KCNH1: variants seen among roughly 807,000 people sequenced by gnomAD.
The protein encoded by KCNH1 is potassium voltage-gated channel subfamily H member 1.
KCNH1 carries 27 observed loss-of-function variants against 69.2 expected under a neutral mutation model. That is an observed-to-expected ratio of 0.39 (90% CI 0.29 to 0.54). The LOEUF (loss-of-function observed/expected upper bound fraction) is 0.54, where lower values mean the gene tolerates loss of function less well. KCNH1 is among the 20% of genes least tolerant of loss of function. The pLI is 0.68. For missense variants in KCNH1, 798 were observed against 1,261.6 expected (o/e 0.63, Z 5.57); for synonymous variants, 456 against 487.7 (o/e 0.93, Z 0.86).
intron 10 of KCNH1, among the ~76,000 whole-genome samples, chr1:210,701,991 C>T (rs1455710476): frequency 6.6e-6 from 1 of 152,170 alleles, no homozygotes; most frequent in African/African-American, 2.4e-5. Flanking sequence ...TTTATCTTCA[C>T]ACTTGAATAA....
intron 6 of KCNH1, among the ~76,000 whole-genome samples, chr1:210,977,627 T>G (rs889754303): frequency 6.6e-6 from 1 of 152,214 alleles, no homozygotes; most frequent in Non-Finnish European, 1.5e-5. Context: ...ATTACATTTT[T>G]ATTTGTATAG....
At chr1:210,925,881 G>C (rs1256338243) in intron 6 of KCNH1, among the ~76,000 whole-genome samples, 2 of 152,138 alleles carry the variant, frequency 1.3e-5, no homozygotes, top group Non-Finnish European at 2.9e-5. Context: ...GGTGTCCCTA[G>C]TGCAAGTTTC....
intron 6 of KCNH1, among the ~76,000 whole-genome samples, chr1:210,961,329 C>A (rs1430204329): frequency 6.6e-6 from 1 of 151,766 alleles, no homozygotes; most frequent in East Asian, 1.9e-4. Flanking sequence ...TTTTTTCAGG[C>A]ATTTTTTTCC....
intron 1 of KCNH1, among the ~76,000 whole-genome samples, chr1:211,117,997 T>G (rs953480873): frequency 6.6e-6 from 1 of 152,206 alleles, no homozygotes; most frequent in South Asian, 2.1e-4. Flanking sequence ...AAACACCCTC[T>G]AAATGTAATA....
At chr1:210,706,257 G>C (rs1256748182) in intron 10 of KCNH1, among the ~76,000 whole-genome samples, 1 of 151,722 alleles carries the variant, frequency 6.6e-6, no homozygotes, top group Non-Finnish European at 1.5e-5. Context: ...TTAGACACCA[G>C]CTCTTGCAGG....
intron 10 of KCNH1, among the ~76,000 whole-genome samples, chr1:210,695,443 A>G (rs1455851333): frequency 6.6e-6 from 1 of 152,220 alleles, no homozygotes; most frequent in Non-Finnish European, 1.5e-5. Context: ...ACCTCTCATT[A>G]ACACCTAGTA....
chr1:211,030,969 C>G (rs1355891994), intron 5 of KCNH1, among the ~76,000 whole-genome samples: 1 of 151,842 alleles, frequency 6.6e-6, no homozygotes, highest in African/African-American at 2.4e-5. Context: ...TACAGATAAC[C>G]AATAAGCACA....
At chr1:211,132,548 T>C (rs1383744781) in intron 1 of KCNH1, 1 of 152,226 alleles carries the variant, frequency 6.6e-6, no homozygotes, top group Non-Finnish European at 1.5e-5. Context: ...TTTGCTATGC[T>C]AGTTGATGTG....
At chr1:210,750,822 ACTATT>A (rs1212117625) in intron 10 of KCNH1, among the ~76,000 whole-genome samples, 91 of 152,334 alleles carry the variant, frequency 6.0e-4, no homozygotes, top group African/African-American at 2.1e-3. Flanking sequence ...ATGGGCAGAT[ACTATT>A]AGAATCCAAG....
intron 8 of KCNH1, among the ~76,000 whole-genome samples, chr1:210,799,605 A>T (rs143783077): frequency 6.6e-6 from 1 of 152,320 alleles, no homozygotes; most frequent in East Asian, 1.9e-4. Flanking sequence ...CTTCAAGCAA[A>T]CTTTTCCAGA....
At chr1:210,847,263 A>G (rs1323040706) in intron 7 of KCNH1, among the ~76,000 whole-genome samples, 1 of 152,234 alleles carries the variant, frequency 6.6e-6, no homozygotes, top group Non-Finnish European at 1.5e-5. Flanking sequence ...TCGTGCTGCT[A>G]TAAAGACACA....
At position 210,867,362 on chromosome 1, in the gene KCNH1, C is replaced by CATAT. The variant is rs915065010; in HGVS notation, c.1462+52274_1462+52277dup. 3.4e-3 allele frequency among the ~76,000 whole-genome samples: 231 copies of CATAT among 67,334 alleles called. 1 individual carries two copies. Among genetic ancestry groups the CATAT allele is most frequent in the African/African-American group, 7.8e-3 (227 of 29,254 alleles). The allele number at this position is 67,334 out of a possible 152,430, so 44.2% of individuals were successfully genotyped here. On this transcript the variant is annotated intron_variant, in intron 7 of 10. Coordinates refer to ENST00000271751, the MANE Select transcript of KCNH1 (RefSeq NM_172362.3). ...ACACACACACACACACACACACACA[C>CATAT]ATATATATATATATATGTGTCCAAA...
At chr1:210,988,337 AG>A (rs1355012117) in intron 6 of KCNH1, among the ~76,000 whole-genome samples, 1 of 152,130 alleles carries the variant, frequency 6.6e-6, no homozygotes, top group Non-Finnish European at 1.5e-5. Flanking sequence ...CCGGTACCTC[AG>A]TTGGAAATGC....
chr1:210,990,370 G>A (rs1426544668), intron 6 of KCNH1, among the ~76,000 whole-genome samples: 1 of 152,224 alleles, frequency 6.6e-6, no homozygotes, highest in Non-Finnish European at 1.5e-5. Context: ...CAGCATCCCG[G>A]AGGGGCCTGC....
At chr1:210,900,172 T>C (rs1686964729) in intron 7 of KCNH1, among the ~76,000 whole-genome samples, 2 of 152,098 alleles carry the variant, frequency 1.3e-5, no homozygotes, top group Admixed American at 6.5e-5. Flanking sequence ...TTTAAACAAA[T>C]ACACAAATAC....
intron 5 of KCNH1, chr1:211,063,274 G>A (rs1306504771): frequency 6.6e-6 from 1 of 152,156 alleles, no homozygotes; most frequent in East Asian, 1.9e-4. Context: ...TGAAGATAGG[G>A]TAGAATTACC....
intron 7 of KCNH1, among the ~76,000 whole-genome samples, chr1:210,821,214 G>A (rs1018023881): frequency 2.0e-5 from 3 of 152,242 alleles, no homozygotes; most frequent in South Asian, 2.1e-4. Flanking sequence ...CCCACCTTAC[G>A]ATACCATCAC....
chr1:210,743,881 G>A (rs1683091047), intron 10 of KCNH1, among the ~76,000 whole-genome samples: 1 of 152,210 alleles, frequency 6.6e-6, no homozygotes, highest in African/African-American at 2.4e-5. Flanking sequence ...GGGACTGGGA[G>A]CTTCCCCTTC....
At chr1:210,903,105 C>A (rs577173944) in intron 7 of KCNH1, among the ~76,000 whole-genome samples, 1 of 146,910 alleles carries the variant, frequency 6.8e-6, no homozygotes, top group African/African-American at 2.4e-5. Flanking sequence ...CCATGCCCTG[C>A]CATCTCTCTT....
Sources: allele counts gnomAD v4.1 joint callset (sites outside exome capture counted in the v4.1 genomes callset), GRCh38; gene constraint gnomAD v4.1.1; transcripts MANE v1.5; gene names NCBI Gene and HGNC (gene_info 2026-07-23, HGNC 2026-07-21).